SUPT3H: variants seen among roughly 807,000 people sequenced by gnomAD.
SUPT3H encodes the protein SPT3 homolog, SAGA and STAGA complex component.
A neutral mutation model predicts 44.3 loss-of-function variants in SUPT3H; 44 were observed. The ratio of observed to expected loss-of-function variants is 0.99; its 90% CI spans 0.78 to 1.28. The LOEUF (loss-of-function observed/expected upper bound fraction) is 1.28, where lower values mean the gene tolerates loss of function less well. Ranked by LOEUF, SUPT3H falls within the 50% of genes most tolerant of loss-of-function variation. The probability of loss-of-function intolerance (pLI) is 0.00; values close to 1 mark genes in which losing one functional copy is unlikely to be tolerated. For missense variants in SUPT3H, 380 were observed against 387.1 expected (o/e 0.98, Z 0.15); for synonymous variants, 124 against 125.6 (o/e 0.99, Z 0.09).
chr6:45,174,248 T>C (rs1026245960), intron 2 of SUPT3H, among the ~76,000 whole-genome samples: 1 of 152,212 alleles, frequency 6.6e-6, no homozygotes, highest in Non-Finnish European at 1.5e-5. Context: ...TACGTAATCA[T>C]AGGCAAGATT....
intron 10 of SUPT3H, among the ~76,000 whole-genome samples, chr6:44,916,450 C>T (rs1767815197): frequency 6.6e-6 from 1 of 152,170 alleles, no homozygotes; most frequent in Admixed American, 6.5e-5. Flanking sequence ...TAAAATGGTA[C>T]TCAGAATGGG....
intron 6 of SUPT3H, among the ~76,000 whole-genome samples, chr6:44,990,025 G>A (rs1404023148): frequency 6.6e-6 from 1 of 151,862 alleles, no homozygotes; most frequent in Non-Finnish European, 1.5e-5. Flanking sequence ...GTTTATTTTT[G>A]TTTTTGCTTC....
At chr6:45,042,720 C>A (rs187735385) in intron 3 of SUPT3H, among the ~76,000 whole-genome samples, 221 of 152,094 alleles carry the variant, frequency 1.5e-3, no homozygotes, top group African/African-American at 5.0e-3. Context: ...CTAGAAATAC[C>A]ATTTGACCCA....
At chr6:45,106,723 A>G (rs1799339445) in intron 2 of SUPT3H, among the ~76,000 whole-genome samples, 1 of 152,046 alleles carries the variant, frequency 6.6e-6, no homozygotes, top group Non-Finnish European at 1.5e-5. Flanking sequence ...TTTAGTAGAT[A>G]CAGGGTTTCA....
intron 4 of SUPT3H, among the ~76,000 whole-genome samples, chr6:45,018,628 T>C (rs1784659363): frequency 6.6e-6 from 1 of 151,932 alleles, no homozygotes; most frequent in Non-Finnish European, 1.5e-5. Context: ...TCTTTGGCTC[T>C]GTTTATATGC....
intron 4 of SUPT3H, among the ~76,000 whole-genome samples, chr6:45,019,891 TAAGAGTTGATTAACTGAA>T (rs1455655863): frequency 6.6e-6 from 1 of 151,946 alleles, no homozygotes; most frequent in Non-Finnish European, 1.5e-5. Context: ...TCATATCATC[TAAGAGTTGATTAACTGAA>T]ACATGTAAAA....
intron 2 of SUPT3H, among the ~76,000 whole-genome samples, chr6:45,190,064 C>G (rs926669487): frequency 6.6e-6 from 1 of 152,026 alleles, no homozygotes; most frequent in Non-Finnish European, 1.5e-5. Flanking sequence ...AATATATGTT[C>G]CAGAGGAACA....
intron 2 of SUPT3H, among the ~76,000 whole-genome samples, chr6:45,305,014 A>G (rs1782770205): frequency 6.6e-6 from 1 of 152,218 alleles, no homozygotes; most frequent in Non-Finnish European, 1.5e-5. Context: ...GGAATCACAG[A>G]GGAATAGGCA....
intron 2 of SUPT3H, among the ~76,000 whole-genome samples, chr6:45,167,582 CT>C (rs1243976196): frequency 2.0e-5 from 3 of 150,966 alleles, no homozygotes; most frequent in African/African-American, 7.3e-5. Flanking sequence ...TCATCTGTAT[CT>C]TTTGATCAAA....
chr6:45,244,705 G>A (rs1335527099), intron 2 of SUPT3H, among the ~76,000 whole-genome samples: 1 of 152,026 alleles, frequency 6.6e-6, no homozygotes, highest in Non-Finnish European at 1.5e-5. Context: ...TTACACCTCA[G>A]TAAACTTCTA....
intron 10 of SUPT3H, among the ~76,000 whole-genome samples, chr6:44,929,007 A>G (rs916180677): frequency 9.2e-5 from 14 of 152,014 alleles, no homozygotes; most frequent in African/African-American, 3.1e-4. Context: ...CACAGCACAC[A>G]TGAATGTGGT....
intron 2 of SUPT3H, among the ~76,000 whole-genome samples, chr6:45,271,499 C>T (rs1776138585): frequency 6.6e-6 from 1 of 152,134 alleles, no homozygotes; most frequent in Non-Finnish European, 1.5e-5. Flanking sequence ...TGGTGTTGAG[C>T]CTGTGGGTGC....
At chr6:45,028,450 AT>A (rs34404703) in intron 3 of SUPT3H, among the ~76,000 whole-genome samples, 88,200 of 147,796 alleles carry the variant, frequency 0.6, 26,788 homozygotes, top group African/African-American at 0.76. Context: ...AAGCTTTCAG[AT>A]TTTTTTTTTT....
intron 6 of SUPT3H, among the ~76,000 whole-genome samples, chr6:44,969,170 T>C (rs1777206532): frequency 6.6e-6 from 1 of 152,206 alleles, no homozygotes; most frequent in South Asian, 2.1e-4. Context: ...TGTGTGCTAC[T>C]TTTGTCTCTC....
rs1582620583 is a variant in SUPT3H at position 44,937,935 on chromosome 6, A to T, written c.802-5172T>A. On this transcript the variant is annotated intron_variant, in intron 9 of 10. Coordinates refer to ENST00000371459, the MANE Select transcript of SUPT3H (RefSeq NM_003599.4). ...TTTTTTTTTTTTTTTTTTGAGGCGG[A>T]GTCTCACTTTGTAGCCCAGGCTGGA... Among the ~76,000 whole-genome samples, 5 of 82,218 alleles carry T rather than the reference A, an allele frequency of 6.1e-5. No homozygotes were observed. The South Asian group carries it at 1.3e-3, about 21-fold the overall frequency. 53.9% of individuals were successfully genotyped at this position (82,218 alleles called of 152,430 possible). A position where few individuals can be genotyped will look rare whatever the true frequency, so the allele number is the denominator to read the frequency against.
At chr6:45,018,647 A>G (rs797010226) in intron 4 of SUPT3H, among the ~76,000 whole-genome samples, 1 of 151,944 alleles carries the variant, frequency 6.6e-6, no homozygotes, top group Non-Finnish European at 1.5e-5. Flanking sequence ...GCTGGATTAC[A>G]TTTATTGATT....
At chr6:45,091,343 CACTA>C (rs996669554) in intron 3 of SUPT3H, among the ~76,000 whole-genome samples, 11 of 151,992 alleles carry the variant, frequency 7.2e-5, no homozygotes, top group Admixed American at 4.6e-4. Flanking sequence ...AACCACTCCT[CACTA>C]ACTATTTGCA....
At chr6:45,241,277 A>G (rs1043343878) in intron 2 of SUPT3H, among the ~76,000 whole-genome samples, 1 of 152,150 alleles carries the variant, frequency 6.6e-6, no homozygotes, top group Non-Finnish European at 1.5e-5. Context: ...ACACTGTGAC[A>G]TGTTCATGAT....
At chr6:45,170,678 G>A (rs1562598622) in intron 2 of SUPT3H, among the ~76,000 whole-genome samples, 1 of 151,890 alleles carries the variant, frequency 6.6e-6, no homozygotes, top group Non-Finnish European at 1.5e-5. Context: ...TCTGAATCTG[G>A]TAGAGTTCCT....
Sources: gnomAD v4.1 joint callset for allele counts (sites outside exome capture counted in the v4.1 genomes callset) on GRCh38, gnomAD v4.1.1 for gene constraint, MANE v1.5 for transcripts, NCBI Gene and HGNC (gene_info 2026-07-23, HGNC 2026-07-21) for gene names.